Variants in THAP4 observed in about 807,000 individuals in gnomAD.
THAP4 encodes the protein THAP domain containing 4, also known as peroxynitrite isomerase THAP4.
In THAP4, 18 loss-of-function variants were observed where a neutral mutation model predicts 48.1. The ratio of observed to expected loss-of-function variants is 0.37; its 90% CI spans 0.26 to 0.56. The LOEUF is 0.56. Ranked by LOEUF, THAP4 falls within the 20% of genes least tolerant of loss-of-function variation. The pLI is 0.78. For missense variants in THAP4, 656 were observed against 774.9 expected (o/e 0.85, Z 1.82); for synonymous variants, 345 against 324.9 (o/e 1.06, Z -0.66).
chr2:241,604,840 G>C (rs541806405), intron 3 of THAP4, among the ~76,000 whole-genome samples: 1 of 152,070 alleles, frequency 6.6e-6, no homozygotes, highest in Non-Finnish European at 1.5e-5. Flanking sequence ...TTACAGGCAC[G>C]AGCCACCGCG....
intron 5 of THAP4, among the ~76,000 whole-genome samples, chr2:241,589,015 C>G (rs35249621): frequency 2.6e-5 from 4 of 152,100 alleles, no homozygotes; most frequent in Admixed American, 2.6e-4. Context: ...AGGTCGAGAC[C>G]GGCCTGGCCA....
upstream of THAP4, chr2:241,637,260 G>A (rs1349707355): frequency 1.2e-5 from 13 of 1,074,520 alleles, no homozygotes; most frequent in South Asian, 2.0e-4. Flanking sequence ...GGGCGCCGCA[G>A]GCCCCTCGCA....
intron 2 of THAP4, among the ~76,000 whole-genome samples, chr2:241,626,609 G>A (rs1056620864): frequency 2.6e-5 from 4 of 151,574 alleles, no homozygotes; most frequent in African/African-American, 7.3e-5. Context: ...TGTCACCCAG[G>A]ATGGAGTGCA....
At position 241,633,028 on chromosome 2, in the gene THAP4, G is replaced by A. The variant is rs1225544999; in HGVS notation, c.1129C>T (p.Arg377Trp). 2.5e-6 allele frequency: 4 copies of A among 1,613,668 alleles called. No homozygotes were observed. Among genetic ancestry groups the A allele is most frequent in the East Asian group, 2.2e-5 (1 of 44,878 alleles). The change falls in exon 2 of 6, where the codon CGG (arginine) becomes TGG (tryptophan). Residue 377 changes from arginine (R) to tryptophan (W), a missense_variant. Arg to Trp is a moderately radical substitution (Grantham distance 101). Coordinates refer to ENST00000407315, the MANE Select transcript of THAP4 (RefSeq NM_015963.6). The surrounding 1 kb of genome is among the most constrained non-coding windows in gnomAD (Gnocchi z 7.5). The part of the protein sequence containing the change: ...EKKNGELKSL[R>W]QRVSRSDSQV... ...CTGTCGGAGCGGCTGACCCTCTGCC[G>A]CAGGCTCTTCAGCTCGCCGTTCTTC...
At chr2:241,589,233 AAAG>A (rs1200769210) in intron 5 of THAP4, among the ~76,000 whole-genome samples, 1 of 151,484 alleles carries the variant, frequency 6.6e-6, no homozygotes. Context: ...AAGAAAAAGA[AAAG>A]AAACCCCCCA....
At chr2:241,592,117 G>A (rs1201493120) in intron 5 of THAP4, 2 of 152,214 alleles carry the variant, frequency 1.3e-5, no homozygotes, top group Non-Finnish European at 2.9e-5. Context: ...GCAGGTCACC[G>A]GTGGCAGCCC....
intron 2 of THAP4, among the ~76,000 whole-genome samples, chr2:241,630,164 C>G (rs1234307854): frequency 6.6e-6 from 1 of 152,024 alleles, no homozygotes; most frequent in Non-Finnish European, 1.5e-5. Context: ...CTGTCAACAC[C>G]CTTTTAAATA....
intron 1 of THAP4, among the ~76,000 whole-genome samples, chr2:241,634,862 G>A (rs1417225299): frequency 6.6e-6 from 1 of 152,156 alleles, no homozygotes; most frequent in Non-Finnish European, 1.5e-5. Context: ...TGATCCTTGA[G>A]GACATTATAC....
intron 2 of THAP4, among the ~76,000 whole-genome samples, chr2:241,615,872 G>A (rs557041024): frequency 2.6e-5 from 4 of 152,282 alleles, no homozygotes; most frequent in East Asian, 1.9e-4. Context: ...GCTCTTCGCC[G>A]CCCTCAGCCG....
chr2:241,608,933 G>C (rs1389471624), intron 2 of THAP4, among the ~76,000 whole-genome samples: 2 of 152,216 alleles, frequency 1.3e-5, no homozygotes, highest in East Asian at 1.9e-4. Flanking sequence ...CAGAGACGGA[G>C]GTCCTGGGTA....
chr2:241,611,559 C>T (rs534199109), intron 2 of THAP4, among the ~76,000 whole-genome samples: 2 of 152,106 alleles, frequency 1.3e-5, no homozygotes, highest in South Asian at 4.2e-4. Flanking sequence ...CCCATCTCTA[C>T]TAAAAATATA....
chr2:241,623,671 T>C (rs2067462311), intron 2 of THAP4, among the ~76,000 whole-genome samples: 1 of 151,290 alleles, frequency 6.6e-6, no homozygotes, highest in Non-Finnish European at 1.5e-5. Context: ...TCACTGTTAA[T>C]CCCATGGCCA....
In THAP4 at chr2:241,584,643, T is replaced by C. The variant is rs757030411; in HGVS notation, c.1697A>G (p.Gln566Arg). 58 of 1,614,230 alleles carry C rather than the reference T, an allele frequency of 3.6e-5. 1 individual carries two copies. The Middle Eastern group carries it at 1.6e-3, about 46-fold the overall frequency. The stretch of plus-strand genomic sequence containing the variant: ...CTTCTTGTAGGTGACGTGAAGATGC[T>C]GAGTCATTGGCTGTGTCGTGGTTGC... ...SMATTTQPMT[Q>R]HLHVTYKKVT... Residue 566 changes from glutamine to arginine, a missense_variant, in exon 6 of 6, where the codon CAG becomes CGG. This residue lies in a region of THAP4 where 176 missense variants were observed against 256.7 expected (regional missense o/e 0.69). Coordinates refer to ENST00000407315, the MANE Select transcript of THAP4 (RefSeq NM_015963.6).
chr2:241,634,462 T>A (rs764987110), intron 1 of THAP4, among the ~76,000 whole-genome samples: 6 of 152,138 alleles, frequency 3.9e-5, no homozygotes, highest in Non-Finnish European at 8.8e-5. Context: ...CCAACTTGCC[T>A]GGAAGGTAGG....
At position 241,616,779 on chromosome 2, in the gene THAP4, G is replaced by C. The variant is rs529536075; in HGVS notation, c.1241-10306C>G. Among the ~76,000 whole-genome samples the C allele has an allele frequency of 1.3e-5, 2 of 152,330 alleles. No homozygotes were observed. The highest frequency in any genetic ancestry group is 4.8e-5 in the African/African-American group (2 of 41,588). On this transcript the variant is annotated intron_variant, in intron 2 of 5. Transcript: ENST00000407315. This position sits in a 1 kb window ranked among gnomAD's most constrained non-coding sequence, Gnocchi z 4.6. ...CAACTAGATGGAGGCTTACGGCTGT[G>C]AGCAACTAATGGCTGTGAGAAATAC... is the stretch of plus-strand genomic sequence containing the variant.
intron 1 of THAP4, among the ~76,000 whole-genome samples, chr2:241,634,494 G>T (rs140282111): frequency 5.6e-4 from 85 of 152,296 alleles, no homozygotes; most frequent in African/African-American, 1.9e-3. Flanking sequence ...CAAAACCAGG[G>T]CCAGCATCCA....
chr2:241,629,280 G>A (rs1434434433), intron 2 of THAP4, among the ~76,000 whole-genome samples: 2 of 152,024 alleles, frequency 1.3e-5, no homozygotes, highest in Admixed American at 6.5e-5. Context: ...GACCAGCCCA[G>A]GCAACATAGT....
chr2:241,594,628 C>T, intron 5 of THAP4: 1 of 331,216 alleles, frequency 3.0e-6, no homozygotes, highest in Non-Finnish European at 6.0e-6. Context: ...CATGCTGGTG[C>T]ATACCTGTGG....
chr2:241,590,567 CTGA>C (rs746085063), intron 5 of THAP4, among the ~76,000 whole-genome samples: 1,769 of 115,064 alleles, frequency 0.015, 70 homozygotes, highest in South Asian at 0.051. Context: ...AACTGCCCGG[CTGA>C]TGATGAGGGG....
Sources: allele counts gnomAD v4.1 joint callset (sites outside exome capture counted in the v4.1 genomes callset), GRCh38; gene constraint gnomAD v4.1.1; regional missense constraint gnomAD v4.1.1; non-coding constraint Gnocchi (gnomAD v3.1); transcripts MANE v1.5; gene names NCBI Gene and HGNC (gene_info 2026-07-23, HGNC 2026-07-21).